The following BTBD9 variants were observed in gnomAD, a reference collection of about 807,000 sequenced individuals.
The protein encoded by BTBD9 is BTB/POZ domain-containing protein 9.
BTBD9 carries 49 observed loss-of-function variants against 64.3 expected under a neutral mutation model. The ratio of observed to expected loss-of-function variants is 0.76; its 90% CI spans 0.61 to 0.97. BTBD9 has a LOEUF of 0.97. Ranked by LOEUF, BTBD9 falls within the 50% of genes least tolerant of loss-of-function variation. BTBD9 has a pLI of 0.00. For synonymous variants in BTBD9, 260 were observed against 274.7 expected (o/e 0.95, Z 0.53); for missense variants, 598 against 762.1 (o/e 0.78, Z 2.53).
At chr6:38,482,558 C>T (rs903785819) in intron 6 of BTBD9, 7 of 151,924 alleles carry the variant, frequency 4.6e-5, no homozygotes, top group African/African-American at 1.5e-4. Context: ...TCCTTTCTAC[C>T]GCATGTTTGT....
At chr6:38,551,530 TCTC>T (rs1392973367) in intron 6 of BTBD9, among the ~76,000 whole-genome samples, 2 of 152,188 alleles carry the variant, frequency 1.3e-5, no homozygotes, top group African/African-American at 4.8e-5. Context: ...TAGCAAACCT[TCTC>T]CTACAAAGAA....
At chr6:38,392,354 G>C (rs1244633355) in intron 6 of BTBD9, among the ~76,000 whole-genome samples, 3 of 152,208 alleles carry the variant, frequency 2.0e-5, no homozygotes, top group East Asian at 1.9e-4. Context: ...GAATGGACTA[G>C]GAGTTTTGTC....
intron 6 of BTBD9, among the ~76,000 whole-genome samples, chr6:38,426,778 G>C (rs1407345846): frequency 3.3e-5 from 5 of 151,718 alleles, no homozygotes; most frequent in Admixed American, 6.6e-5. Flanking sequence ...TCACTGCATG[G>C]CCCAAGATTC....
At chr6:38,356,440 A>T (rs1458681153) in intron 6 of BTBD9, among the ~76,000 whole-genome samples, 1 of 152,130 alleles carries the variant, frequency 6.6e-6, no homozygotes. Context: ...GAGTTCCTCA[A>T]CTTTATCAGC....
chr6:38,199,011 C>G (rs1411094738), intron 9 of BTBD9, among the ~76,000 whole-genome samples: 1 of 152,074 alleles, frequency 6.6e-6, no homozygotes. Context: ...GGGGGCTGAA[C>G]CAGGAAGACT....
chr6:38,182,745 C>T lies in BTBD9; in HGVS notation c.1642-7563G>A, dbSNP rs113327943. 5.0e-3 allele frequency among the ~76,000 whole-genome samples: 761 copies of T among 152,312 alleles called. 8 individuals are homozygous for T. The highest frequency in any genetic ancestry group is 0.017 in the African/African-American group (726 of 41,566). ...GGGGACCCTCACAAGCTGCTGTCTC[C>T]ATGCGTCTCACTGCTGGGAGGCTCC... On this transcript the variant is annotated intron_variant, in intron 10 of 10. Coordinates refer to ENST00000481247, the MANE Select transcript of BTBD9 (RefSeq NM_001099272.2).
At chr6:38,183,155 T>A (rs527476860) in intron 10 of BTBD9, among the ~76,000 whole-genome samples, 2 of 152,240 alleles carry the variant, frequency 1.3e-5, no homozygotes, top group South Asian at 4.1e-4. Flanking sequence ...AATTTTTTAA[T>A]TCTTTTAGTA....
chr6:38,220,522 C>A (rs1324383056), intron 9 of BTBD9, among the ~76,000 whole-genome samples: 1 of 152,044 alleles, frequency 6.6e-6, no homozygotes, highest in Non-Finnish European at 1.5e-5. Flanking sequence ...TTACTCAACT[C>A]TCATAAAGTT....
intron 9 of BTBD9, among the ~76,000 whole-genome samples, chr6:38,245,579 A>ATTC (rs1466645649): frequency 6.6e-6 from 1 of 152,172 alleles, no homozygotes; most frequent in Non-Finnish European, 1.5e-5. Flanking sequence ...CACGCAAAGA[A>ATTC]TTCTGTTCTT....
intron 6 of BTBD9, among the ~76,000 whole-genome samples, chr6:38,384,713 C>A (rs1340424184): frequency 2.6e-5 from 4 of 152,126 alleles, no homozygotes; most frequent in Non-Finnish European, 5.9e-5. Context: ...CACAAGAAGA[C>A]AATGCTTAAA....
chr6:38,331,246 G>A (rs1473192705), intron 7 of BTBD9, among the ~76,000 whole-genome samples: 1 of 152,116 alleles, frequency 6.6e-6, no homozygotes, highest in Non-Finnish European at 1.5e-5. Flanking sequence ...TCGGGAGACC[G>A]AGGTAGGAGG....
intron 6 of BTBD9, among the ~76,000 whole-genome samples, chr6:38,354,438 A>T (rs1764639423): frequency 6.6e-6 from 1 of 152,182 alleles, no homozygotes; most frequent in South Asian, 2.1e-4. Flanking sequence ...GTATTGTTAT[A>T]TATGATAATA....
chr6:38,594,053 G>T lies in BTBD9; in HGVS notation c.460C>A (p.Leu154Ile). 6.2e-7 allele frequency: 1 copy of T among 1,614,154 alleles called. No individual in the cohort carries two copies. The highest frequency in any genetic ancestry group is 8.5e-7 in the Non-Finnish European group (1 of 1,179,996). The change falls in exon 3 of 11, where the codon CTT (leucine) becomes ATT (isoleucine). Residue 154 changes from leucine (L) to isoleucine (I), a missense_variant. Leu to Ile is a conservative substitution (Grantham distance 5). Coordinates refer to ENST00000481247, the MANE Select transcript of BTBD9 (RefSeq NM_001099272.2). ...MTFDVASLYSLPKLTCMCCMF... is the reference protein window; with the variant it reads ...MTFDVASLYSIPKLTCMCCMF... Reference sequence around the variant, plus strand: ...CAGCACATACAAGTTAACTTGGGAAGTGAGTAGAGACTGGCAACATCAAAA... The same window carrying T: ...CAGCACATACAAGTTAACTTGGGAATTGAGTAGAGACTGGCAACATCAAAA...
At chr6:38,553,219 A>G (rs1461191695) in intron 6 of BTBD9, among the ~76,000 whole-genome samples, 1 of 152,174 alleles carries the variant, frequency 6.6e-6, no homozygotes, top group African/African-American at 2.4e-5. Context: ...AGCTGACTGT[A>G]TCAGAAAAGC....
intron 7 of BTBD9, among the ~76,000 whole-genome samples, chr6:38,293,713 C>G (rs1762050531): frequency 6.6e-6 from 1 of 152,148 alleles, no homozygotes; most frequent in African/African-American, 2.4e-5. Flanking sequence ...ACTATAAAAA[C>G]TCTAGAAGAA....
chr6:38,196,128 C>T (rs981468354), intron 9 of BTBD9, among the ~76,000 whole-genome samples: 10 of 152,312 alleles, frequency 6.6e-5, no homozygotes, highest in Admixed American at 3.3e-4. Flanking sequence ...CCTGGTCTTT[C>T]GGGACTAGGG....
intron 6 of BTBD9, among the ~76,000 whole-genome samples, chr6:38,560,692 T>C (rs1436118406): frequency 1.3e-5 from 2 of 152,166 alleles, no homozygotes; most frequent in Non-Finnish European, 2.9e-5. Context: ...GTACCCATTA[T>C]AGTACCCAAT....
intron 6 of BTBD9, among the ~76,000 whole-genome samples, chr6:38,375,891 AAAAGAAAGAAAGAAAGAAAG>A (rs70981544): frequency 4.9e-5 from 6 of 122,260 alleles, no homozygotes; most frequent in African/African-American, 9.5e-5. Flanking sequence ...AGAAAGAAAG[AAAAGAAAGAAAGAAAGAAAG>A]AAAGAAAGAA....
intron 6 of BTBD9, among the ~76,000 whole-genome samples, chr6:38,371,228 G>A (rs1765413627): frequency 6.6e-6 from 1 of 152,142 alleles, no homozygotes; most frequent in East Asian, 1.9e-4. Context: ...GTCTGCCTGG[G>A]ACAATTTACC....
Sources: gnomAD v4.1 joint callset for allele counts (sites outside exome capture counted in the v4.1 genomes callset) on GRCh38, gnomAD v4.1.1 for gene constraint, MANE v1.5 for transcripts, NCBI Gene and HGNC (gene_info 2026-07-23, HGNC 2026-07-21) for gene names.